Variants in CDH9 observed in about 807,000 individuals in gnomAD.
CDH9 encodes the protein cadherin 9.
CDH9 carries 28 observed loss-of-function variants against 70.9 expected under a neutral mutation model. The observed-to-expected ratio is 0.40, with a 90% CI of 0.29 to 0.54. The LOEUF is 0.54. Ranked by LOEUF, CDH9 falls within the 20% of genes least tolerant of loss-of-function variation. CDH9 has a pLI of 0.59. For synonymous variants in CDH9, 409 were observed against 343.1 expected (o/e 1.19, Z -2.12); for missense variants, 874 against 984.4 (o/e 0.89, Z 1.50).
At chr5:26,909,951 T>G (rs948434676) in intron 3 of CDH9, among the ~76,000 whole-genome samples, 1 of 151,916 alleles carries the variant, frequency 6.6e-6, no homozygotes, top group African/African-American at 2.4e-5. Flanking sequence ...ATAATTATTA[T>G]TATAATTTAA....
chr5:27,001,838 A>ACTCTCTCTCTCTCTCTCT (rs1186197846), intron 1 of CDH9, among the ~76,000 whole-genome samples: 1 of 123,170 alleles, frequency 8.1e-6, no homozygotes, highest in African/African-American at 3.8e-5. Flanking sequence ...ATACACACAC[A>ACTCTCTCTCTCTCTCTCT]CACACACTCT....
chr5:26,950,489 T>C (rs150119664), intron 2 of CDH9, among the ~76,000 whole-genome samples: 114 of 152,350 alleles, frequency 7.5e-4, no homozygotes, highest in African/African-American at 2.7e-3. Flanking sequence ...AAAATGCCTC[T>C]AGAAACTTTC....
chr5:26,962,015 C>T (rs148807634), intron 2 of CDH9, among the ~76,000 whole-genome samples: 2,684 of 152,194 alleles, frequency 0.018, 93 homozygotes, highest in African/African-American at 0.061. Flanking sequence ...TGTGATGTCG[C>T]CCTCCCTGTG....
At chr5:26,897,807 T>A (rs2111981918) in intron 7 of CDH9, among the ~76,000 whole-genome samples, 1 of 152,220 alleles carries the variant, frequency 6.6e-6, no homozygotes, top group Middle Eastern at 3.4e-3. Flanking sequence ...AACATAGTAT[T>A]GGAAGTTCAA....
At chr5:27,035,373 C>G (rs1743374040) in intron 1 of CDH9, among the ~76,000 whole-genome samples, 1 of 151,416 alleles carries the variant, frequency 6.6e-6, no homozygotes, top group African/African-American at 2.4e-5. Context: ...GTAAAGACAA[C>G]TTGTTTCTGA....
chr5:26,986,567 T>C (rs141043322), intron 2 of CDH9, among the ~76,000 whole-genome samples: 170 of 152,272 alleles, frequency 1.1e-3, no homozygotes, highest in African/African-American at 3.8e-3. Flanking sequence ...ATGCTTGCTG[T>C]AGCGCCTTAA....
intron 1 of CDH9, among the ~76,000 whole-genome samples, chr5:27,018,937 C>T (rs1302106506): frequency 6.6e-6 from 1 of 151,882 alleles, no homozygotes; most frequent in East Asian, 1.9e-4. Flanking sequence ...CTTTGTGTTC[C>T]CTACATCATC....
chr5:27,029,728 C>A (rs1438189517), intron 1 of CDH9, among the ~76,000 whole-genome samples: 1 of 151,850 alleles, frequency 6.6e-6, no homozygotes, highest in Non-Finnish European at 1.5e-5. Context: ...GATTACGAGT[C>A]TAAATGAGAG....
chr5:27,017,918 G>GGT (rs1554004523), intron 1 of CDH9, among the ~76,000 whole-genome samples: 1 of 151,298 alleles, frequency 6.6e-6, no homozygotes, highest in Non-Finnish European at 1.5e-5. Flanking sequence ...AGTATACATT[G>GGT]TTTTTTTATT....
intron 11 of CDH9, among the ~76,000 whole-genome samples, chr5:26,885,182 T>C (rs893991221): frequency 1.3e-5 from 2 of 152,106 alleles, no homozygotes; most frequent in Admixed American, 6.6e-5. Context: ...GAGAACTCTA[T>C]GGTAGAGTAA....
chr5:26,955,514 C>A (rs1444669827), intron 2 of CDH9, among the ~76,000 whole-genome samples: 1 of 151,906 alleles, frequency 6.6e-6, no homozygotes, highest in African/African-American at 2.4e-5. Flanking sequence ...CTAAAACCAG[C>A]AAGGGCAGGT....
chr5:26,957,168 G>T (rs2112055504), intron 2 of CDH9, among the ~76,000 whole-genome samples: 1 of 151,354 alleles, frequency 6.6e-6, no homozygotes. Context: ...TTTCTTTTGG[G>T]GGTTAAATTT....
chr5:26,989,746 A>T (rs573252966), intron 1 of CDH9, among the ~76,000 whole-genome samples: 43 of 152,238 alleles, frequency 2.8e-4, no homozygotes, highest in Non-Finnish European at 5.6e-4. Flanking sequence ...CCAAGCATCT[A>T]TGAATTCAGT....
intron 1 of CDH9, among the ~76,000 whole-genome samples, 153 bp downstream of exon 1, chr5:27,038,310 C>T (rs1579528069): frequency 6.6e-6 from 1 of 151,776 alleles, no homozygotes; most frequent in African/African-American, 2.4e-5. Context: ...TCAAATACTA[C>T]TAAAATGTAT....
intron 2 of CDH9, among the ~76,000 whole-genome samples, chr5:26,967,499 G>A (rs1488836968): frequency 2.0e-5 from 3 of 152,066 alleles, no homozygotes; most frequent in Non-Finnish European, 4.4e-5. Flanking sequence ...TTTAATTACT[G>A]TAATTACCAG....
chr5:26,928,411 C>T (rs575073319), intron 2 of CDH9, among the ~76,000 whole-genome samples: 4 of 151,990 alleles, frequency 2.6e-5, no homozygotes, highest in Admixed American at 2.6e-4. Context: ...TTAAAATATC[C>T]ACACTACTCA....
At chr5:26,936,759 C>T (rs1232504926) in intron 2 of CDH9, among the ~76,000 whole-genome samples, 2 of 152,056 alleles carry the variant, frequency 1.3e-5, no homozygotes, top group Middle Eastern at 3.4e-3. Flanking sequence ...GTCAACTGAT[C>T]TCTCACAAAC....
At chr5:26,963,112 T>C (rs1037373890) in intron 2 of CDH9, among the ~76,000 whole-genome samples, 9 of 152,146 alleles carry the variant, frequency 5.9e-5, no homozygotes, top group African/African-American at 2.2e-4. Context: ...TACTGAGTTA[T>C]TATTAATCAG....
intron 1 of CDH9, among the ~76,000 whole-genome samples, chr5:27,030,866 C>G (rs1162450545): frequency 1.3e-5 from 2 of 151,494 alleles, no homozygotes; most frequent in African/African-American, 2.4e-5. Flanking sequence ...TTCTTTACAT[C>G]TAGATATAAT....
Sources: gnomAD v4.1 joint callset for allele counts (sites outside exome capture counted in the v4.1 genomes callset) on GRCh38, gnomAD v4.1.1 for gene constraint, MANE v1.5 for transcripts, NCBI Gene and HGNC (gene_info 2026-07-23, HGNC 2026-07-21) for gene names.